The following PPP4R1 variants were observed in gnomAD, a reference collection of about 807,000 sequenced individuals.
PPP4R1 encodes protein phosphatase 4 regulatory subunit 1.
Under a neutral mutation model 111.2 loss-of-function variants are expected in PPP4R1, and 42 were observed. That is an observed-to-expected ratio of 0.38 (90% CI 0.29 to 0.49). The LOEUF is 0.49. Ranked by LOEUF, PPP4R1 falls within the 20% of genes least tolerant of loss-of-function variation. The pLI, the probability that PPP4R1 is intolerant of heterozygous loss-of-function variation, is 0.97. For missense variants in PPP4R1, 1,012 were observed against 1,161.6 expected (o/e 0.87, Z 1.87); for synonymous variants, 409 against 405.5 (o/e 1.01, Z -0.10).
At chr18:9,564,954 CT>C (rs1487134401) in intron 11 of PPP4R1, among the ~76,000 whole-genome samples, 1 of 152,042 alleles carries the variant, frequency 6.6e-6, no homozygotes, top group African/African-American at 2.4e-5. Flanking sequence ...AGCAATCCTT[CT>C]GCCTCAGCCT....
At chr18:9,580,672 C>T (rs995000847) in intron 9 of PPP4R1, among the ~76,000 whole-genome samples, 23 of 152,270 alleles carry the variant, frequency 1.5e-4, no homozygotes, top group African/African-American at 5.5e-4. Context: ...CTTGTAACGC[C>T]TCCAGTGAGG....
At chr18:9,555,997 C>CAAACA (rs1555665980) in intron 15 of PPP4R1, among the ~76,000 whole-genome samples, 12 of 136,914 alleles carry the variant, frequency 8.8e-5, no homozygotes, top group Middle Eastern at 4.1e-3. Flanking sequence ...AACAAACAAA[C>CAAACA]AAAAAAACAC....
At chr18:9,550,251 C>G in intron 17 of PPP4R1, 27 bp downstream of exon 17, 1 of 1,613,804 alleles carries the variant, frequency 6.2e-7, no homozygotes, top group Non-Finnish European at 8.5e-7. Flanking sequence ...GTTTGCTGAT[C>G]TAAAATTTTA....
chr18:9,580,455 T>C (rs374244083), intron 9 of PPP4R1, among the ~76,000 whole-genome samples: 2 of 151,938 alleles, frequency 1.3e-5, no homozygotes, highest in South Asian at 4.2e-4. Flanking sequence ...GTTCACGCCA[T>C]TCTCCTGCCT....
chr18:9,578,499 A>G (rs1332549437), intron 9 of PPP4R1, among the ~76,000 whole-genome samples: 1 of 151,812 alleles, frequency 6.6e-6, no homozygotes, highest in African/African-American at 2.4e-5. Flanking sequence ...TCCTCCTCCC[A>G]AAGTGTTAGG....
chr18:9,597,664 G>C (rs933619781), intron 2 of PPP4R1, among the ~76,000 whole-genome samples: 1 of 152,152 alleles, frequency 6.6e-6, no homozygotes, highest in Non-Finnish European at 1.5e-5. Flanking sequence ...TCCTGGTTTT[G>C]CCTAACAAAG....
At chr18:9,594,814 GCA>G in intron 3 of PPP4R1, 1 of 443,474 alleles carries the variant, frequency 2.3e-6, no homozygotes, top group Non-Finnish European at 3.7e-6. Context: ...TTTTTTTTTT[GCA>G]AAGAAAGCAT....
In PPP4R1 at chr18:9,593,765, T is replaced by C; in HGVS notation, c.295+3A>G. The C allele has an allele frequency of 6.2e-7, 1 of 1,610,680 alleles. No individual in the cohort carries two copies. The highest frequency in any genetic ancestry group is 1.1e-5 in the South Asian group (1 of 91,008). On this transcript the variant is annotated splice_donor_region_variant and intron_variant, in intron 4 of 19. Transcript: ENST00000400556. ...AGAGTAAATTCACTTTCTCCACATA[T>C]ACCTGAATCATCGGCCAATCTGCTA...
At chr18:9,556,508 A>G (rs1465419187) in intron 15 of PPP4R1, among the ~76,000 whole-genome samples, 1 of 152,146 alleles carries the variant, frequency 6.6e-6, no homozygotes. Context: ...GTTTTTTAAA[A>G]GGGAGGACTA....
rs532576735 is a variant in PPP4R1 at position 9,614,335 on chromosome 18, C to A, written c.8-65G>T. ...CGGGGCCCGGCGCGACGCCCCCCCC[C>A]CGCCCGCCTCCCCCCCGCCCCGGGG... On this transcript the variant is annotated intron_variant, in intron 1 of 19. Transcript: ENST00000400556. This position sits in a 1 kb window ranked among gnomAD's most constrained non-coding sequence, Gnocchi z 4.1. The A allele has an allele frequency of 2.5e-5, 28 of 1,098,568 alleles. 1 individual carries two copies. The highest frequency in any genetic ancestry group is 4.0e-4 in the Middle Eastern group (1 of 2,486). The allele number at this position is 1,098,568 out of a possible 1,614,324, so 68.1% of individuals were successfully genotyped here. A position where few individuals can be genotyped will look rare whatever the true frequency, so the allele number is the denominator to read the frequency against.
intron 19 of PPP4R1, among the ~76,000 whole-genome samples, chr18:9,548,879 T>C (rs757048298): frequency 7.2e-5 from 11 of 152,260 alleles, no homozygotes; most frequent in East Asian, 1.9e-4. Context: ...GATCGCACCA[T>C]TGCACTCCAG....
chr18:9,616,014 A>G (rs922594192), upstream of PPP4R1, among the ~76,000 whole-genome samples: 3 of 152,228 alleles, frequency 2.0e-5, no homozygotes, highest in African/African-American at 2.4e-5. Flanking sequence ...GTATGTGTCT[A>G]ATTTTCTCAA....
chr18:9,577,160 G>A lies in PPP4R1; in HGVS notation c.950C>T (p.Pro317Leu). The part of the protein sequence containing the change: ...VRQAAFQSLG[P>L]FISTFANPSS... Reference sequence around the variant, plus strand: ...TGGATTAGCAAAAGTAGATATGAAAGGTCCCAGAGACTGAAAAGCTGCTTG... The same window carrying A: ...TGGATTAGCAAAAGTAGATATGAAAAGTCCCAGAGACTGAAAAGCTGCTTG... The change falls in exon 10 of 20, where the codon CCT (proline) becomes CTT (leucine). Residue 317 changes from proline (P) to leucine (L), a missense_variant. Transcript: ENST00000400556. 1 of 1,607,154 alleles carries A rather than the reference G, an allele frequency of 6.2e-7. No individual in the cohort carries two copies. Among genetic ancestry groups the A allele is most frequent in the Non-Finnish European group, 8.5e-7 (1 of 1,177,542 alleles).
intron 2 of PPP4R1, among the ~76,000 whole-genome samples, chr18:9,611,737 C>T (rs573768126): frequency 2.1e-4 from 32 of 152,332 alleles, no homozygotes; most frequent in African/African-American, 7.0e-4. Flanking sequence ...TGCAGCCGGG[C>T]GCAGTGGCTC....
intron 15 of PPP4R1, among the ~76,000 whole-genome samples, chr18:9,556,004 A>C (rs1568086227): frequency 4.6e-5 from 2 of 43,952 alleles, no homozygotes; most frequent in African/African-American, 1.3e-4. Context: ...AAACAAAAAA[A>C]CACAAAATCG....
In PPP4R1 at chr18:9,570,391, G is replaced by A; in HGVS notation, c.1339C>T (p.Leu447Phe). Residue 447 changes from leucine (L) to phenylalanine (F), a missense_variant, in exon 11 of 20, where the codon CTC becomes TTC. This residue lies in a region of PPP4R1 where 707 missense variants were observed against 742.1 expected (regional missense o/e 0.95). Coordinates refer to ENST00000400556, the MANE Select transcript of PPP4R1 (RefSeq NM_001042388.3). ...GAGTTATACAATTCCTGATCTAAGA[G>A]AGCTGAATCTTGTGAAGTGGTGCCA... ...EVGTTSQDSA[L>F]LDQELYNSFH... is the part of the protein sequence containing the mutation. 1 of 1,613,880 alleles carries A rather than the reference G, an allele frequency of 6.2e-7. No individual in the cohort carries two copies. Among genetic ancestry groups the A allele is most frequent in the East Asian group, 2.2e-5 (1 of 44,884 alleles).
At chr18:9,564,261 A>G (rs1320285429) in intron 11 of PPP4R1, among the ~76,000 whole-genome samples, 3 of 152,242 alleles carry the variant, frequency 2.0e-5, no homozygotes, top group Admixed American at 2.0e-4. Flanking sequence ...GAAATTTAGC[A>G]AAAAATATTG....
chr18:9,604,678 GT>G (rs2067449083), intron 2 of PPP4R1, among the ~76,000 whole-genome samples: 1 of 151,788 alleles, frequency 6.6e-6, no homozygotes, highest in African/African-American at 2.4e-5. Context: ...GCCGTCTTGG[GT>G]GCCCTTGCTT....
intron 11 of PPP4R1, among the ~76,000 whole-genome samples, chr18:9,569,316 CAA>C (rs1479959434): frequency 6.6e-6 from 1 of 151,942 alleles, no homozygotes; most frequent in Non-Finnish European, 1.5e-5. Context: ...AAACATTTAT[CAA>C]AAGTTGACTA....
Sources: gnomAD v4.1 joint callset for allele counts (sites outside exome capture counted in the v4.1 genomes callset) on GRCh38, gnomAD v4.1.1 for gene constraint, gnomAD v4.1.1 regional missense constraint, Gnocchi (gnomAD v3.1) non-coding constraint, MANE v1.5 for transcripts, NCBI Gene and HGNC (gene_info 2026-07-23, HGNC 2026-07-21) for gene names.